PDE1A: variants seen among roughly 807,000 people sequenced by gnomAD.
PDE1A encodes the protein phosphodiesterase 1A.
A neutral mutation model predicts 61.7 loss-of-function variants in PDE1A; 35 were observed. That is an observed-to-expected ratio of 0.57 (90% CI 0.43 to 0.75). The LOEUF (loss-of-function observed/expected upper bound fraction) is 0.75. Among genes scored for constraint, PDE1A ranks in the 30% least tolerant of loss-of-function variants. The probability of loss-of-function intolerance (pLI) is 0.00; values close to 1 mark genes in which losing one functional copy is unlikely to be tolerated. For synonymous variants in PDE1A, 232 were observed against 213.2 expected (o/e 1.09, Z -0.77); for missense variants, 597 against 630.6 (o/e 0.95, Z 0.57).
rs568678169 is a variant in PDE1A at position 182,199,711 on chromosome 2, A to G, written c.1125+1728T>C. 2.0e-5 allele frequency among the ~76,000 whole-genome samples: 3 copies of G among 152,040 alleles called. No homozygotes were observed. The East Asian group carries it at 5.8e-4, about 29-fold the overall frequency. ...TAGAATTTGGTAGGTTTTTACATTTAGTGTATTTTTTTAGCACAAAGCAAA... is the reference window on the plus strand; with the variant it reads ...TAGAATTTGGTAGGTTTTTACATTTGGTGTATTTTTTTAGCACAAAGCAAA... On this transcript the variant is annotated intron_variant, in intron 10 of 13. Coordinates refer to ENST00000351439, the Ensembl canonical transcript of PDE1A.
intron 2 of PDE1A, among the ~76,000 whole-genome samples, chr2:182,500,545 G>C (rs766709012): frequency 6.6e-5 from 10 of 152,176 alleles, no homozygotes; most frequent in Non-Finnish European, 1.3e-4. Flanking sequence ...ATCTCACTAA[G>C]GGTCCAAGAA....
At chr2:182,314,996 G>C (rs1301737652) in intron 1 of PDE1A, among the ~76,000 whole-genome samples, 2 of 152,110 alleles carry the variant, frequency 1.3e-5, no homozygotes, top group Non-Finnish European at 2.9e-5. Flanking sequence ...GAGGGTTTAG[G>C]GGTCTGGAAG....
At chr2:182,408,781 C>T (rs1328623722) in intron 1 of PDE1A, among the ~76,000 whole-genome samples, 1 of 152,154 alleles carries the variant, frequency 6.6e-6, no homozygotes, top group Non-Finnish European at 1.5e-5. Context: ...TTAAATGTTA[C>T]CAACAAAAAA....
intron 2 of PDE1A, among the ~76,000 whole-genome samples, chr2:182,453,426 T>C (rs535895970): frequency 9.9e-5 from 15 of 151,872 alleles, no homozygotes; most frequent in African/African-American, 2.9e-4. Context: ...AATTGTGAAC[T>C]TCTTCATTAA....
intron 1 of PDE1A, among the ~76,000 whole-genome samples, chr2:182,277,943 C>T (rs889433490): frequency 6.6e-6 from 1 of 152,040 alleles, no homozygotes; most frequent in Non-Finnish European, 1.5e-5. Context: ...CAAGGTTACA[C>T]TGAACAACTG....
At chr2:182,265,986 A>T (rs1357850028) in intron 1 of PDE1A, among the ~76,000 whole-genome samples, 2 of 152,160 alleles carry the variant, frequency 1.3e-5, no homozygotes, top group Admixed American at 1.3e-4. Flanking sequence ...TGAAGATACA[A>T]AGGCAAGTTA....
Position 182,498,324 on chromosome 2 carries a change from A to G in PDE1A, c.101+23952T>C, listed in dbSNP as rs1688848158. Among the ~76,000 whole-genome samples the G allele has an allele frequency of 3.9e-5, 6 of 152,284 alleles. 1 individual carries two copies. The highest frequency in any genetic ancestry group is 2.6e-4 in the Admixed American group (4 of 15,300). ...TTCAGAGCTATAAAAATTATTATATACATAGCAAAAGAATGGAATGCTACA... is the reference window on the plus strand; with the variant it reads ...TTCAGAGCTATAAAAATTATTATATGCATAGCAAAAGAATGGAATGCTACA... On this transcript the variant is annotated intron_variant, in intron 2 of 14. Coordinates refer to the PDE1A transcript ENST00000410103.
chr2:182,373,211 G>T (rs768775472), intron 1 of PDE1A, among the ~76,000 whole-genome samples: 2 of 152,158 alleles, frequency 1.3e-5, no homozygotes, highest in Non-Finnish European at 2.9e-5. Flanking sequence ...AATGGAAGGG[G>T]AACCAATTAC....
At chr2:182,177,451 T>C (rs1684361664) in intron 13 of PDE1A, among the ~76,000 whole-genome samples, 1 of 152,126 alleles carries the variant, frequency 6.6e-6, no homozygotes, top group Non-Finnish European at 1.5e-5. Flanking sequence ...CCATTTCTTC[T>C]AGATTTTCTA....
chr2:182,224,980 T>C, intron 6 of PDE1A, among the ~76,000 whole-genome samples: 1 of 151,878 alleles, frequency 6.6e-6, no homozygotes, highest in Admixed American at 6.6e-5. Context: ...TCTGTACACT[T>C]AAAACAATAA....
intron 13 of PDE1A, among the ~76,000 whole-genome samples, chr2:182,160,635 G>A (rs1691328241): frequency 6.6e-6 from 1 of 152,096 alleles, no homozygotes; most frequent in African/African-American, 2.4e-5. Context: ...GGCCTCCTTG[G>A]TTTTGAGGCT....
At chr2:182,592,381 C>T in the PDE1A span, among the ~76,000 whole-genome samples, 2 of 152,084 alleles carry the variant, frequency 1.3e-5, no homozygotes, top group Non-Finnish European at 2.9e-5. Flanking sequence ...GAATTATGGG[C>T]AAAAGTTTTG....
At chr2:182,147,512 A>T (rs1373337480) in intron 13 of PDE1A, among the ~76,000 whole-genome samples, 1 of 152,204 alleles carries the variant, frequency 6.6e-6, no homozygotes, top group African/African-American at 2.4e-5. Context: ...CTAATGATCA[A>T]TGTTTTTTAA....
chr2:182,420,192 CT>C (rs1394821821), intron 1 of PDE1A, among the ~76,000 whole-genome samples: 1 of 151,910 alleles, frequency 6.6e-6, no homozygotes, highest in Non-Finnish European at 1.5e-5. Flanking sequence ...GCAAGAGTCT[CT>C]TTTTTTCTGT....
the PDE1A span, among the ~76,000 whole-genome samples, chr2:182,662,911 A>G: frequency 6.6e-6 from 1 of 152,236 alleles, no homozygotes; most frequent in Admixed American, 6.5e-5. Flanking sequence ...GAATGGGAGA[A>G]AAATTTTGCA....
At chr2:182,639,565 T>C in the PDE1A span, among the ~76,000 whole-genome samples, 1 of 151,834 alleles carries the variant, frequency 6.6e-6, no homozygotes, top group Non-Finnish European at 1.5e-5. Flanking sequence ...AAAATTCTCT[T>C]AGGAAAATAA....
chr2:182,338,904 T>C (rs1246546538), intron 1 of PDE1A, among the ~76,000 whole-genome samples: 1 of 152,152 alleles, frequency 6.6e-6, no homozygotes, highest in Non-Finnish European at 1.5e-5. Context: ...CTGCACCCAA[T>C]AGTAGCAACC....
intron 13 of PDE1A, among the ~76,000 whole-genome samples, chr2:182,185,346 A>G (rs984510189): frequency 3.0e-4 from 45 of 152,314 alleles, no homozygotes; most frequent in African/African-American, 9.9e-4. Context: ...TAAATGGACT[A>G]ATTAATTTGA....
At chr2:182,650,456 G>C in the PDE1A span, among the ~76,000 whole-genome samples, 1 of 152,076 alleles carries the variant, frequency 6.6e-6, no homozygotes, top group Admixed American at 6.5e-5. Context: ...GGAACATTCA[G>C]TTAGCACCTA....
Sources: allele counts gnomAD v4.1 joint callset (sites outside exome capture counted in the v4.1 genomes callset), GRCh38; gene constraint gnomAD v4.1.1; transcripts MANE v1.5; gene names NCBI Gene and HGNC (gene_info 2026-07-23, HGNC 2026-07-21).